The following SLC4A5 variants were observed in gnomAD, a reference collection of about 807,000 sequenced individuals.
The protein encoded by SLC4A5 is solute carrier family 4 member 5, also known as electrogenic sodium bicarbonate cotransporter 4.
SLC4A5 carries 96 observed loss-of-function variants against 120.4 expected under a neutral mutation model. The ratio of observed to expected loss-of-function variants is 0.80; its 90% confidence interval spans 0.68 to 0.94. The LOEUF (loss-of-function observed/expected upper bound fraction) is 0.94. Among genes scored for constraint, SLC4A5 ranks in the 40% least tolerant of loss-of-function variants. The probability of loss-of-function intolerance (pLI) is 0.00; values close to 1 mark genes in which losing one functional copy is unlikely to be tolerated. For missense variants in SLC4A5, 1,259 were observed against 1,459.5 expected (o/e 0.86, Z 2.24); for synonymous variants, 550 against 571.1 (o/e 0.96, Z 0.53).
Position 74,283,130 on chromosome 2 carries a change from G to A in SLC4A5, c.401+2643C>T, listed in dbSNP as rs578201668. Among the ~76,000 whole-genome samples the A allele has an allele frequency of 1.1e-4, 17 of 152,324 alleles. No homozygotes were observed. The East Asian group carries it at 2.7e-3, about 24-fold the overall frequency. ...GTCAAAACAGTCACTGGAAGTTAGA[G>A]ACAGAAAGAGAAAGGGCTGAGAAAA... On this transcript the variant is annotated intron_variant, in intron 8 of 30. Coordinates refer to ENST00000394019, the Ensembl canonical transcript of SLC4A5.
chr2:74,243,263 G>T (rs1670504618), intron 19 of SLC4A5, among the ~76,000 whole-genome samples: 1 of 152,156 alleles, frequency 6.6e-6, no homozygotes, highest in South Asian at 2.1e-4. Flanking sequence ...TCTGCAGTCT[G>T]TCCTTCCTTT....
chr2:74,289,607 G>T (rs1672095406), intron 7 of SLC4A5, among the ~76,000 whole-genome samples: 1 of 152,176 alleles, frequency 6.6e-6, no homozygotes, highest in Admixed American at 6.5e-5. Flanking sequence ...ATGAGCCACT[G>T]GACCCAGCCT....
intron 6 of SLC4A5, among the ~76,000 whole-genome samples, chr2:74,311,414 C>G (rs1276102351): frequency 6.6e-6 from 1 of 151,956 alleles, no homozygotes; most frequent in Non-Finnish European, 1.5e-5. Context: ...GATCTTTCTT[C>G]TTTTCTAATA....
At chr2:74,308,134 G>A (rs1293378515) in intron 6 of SLC4A5, 1 of 337,240 alleles carries the variant, frequency 3.0e-6, no homozygotes, top group African/African-American at 2.2e-5. Context: ...TCCTATTGAA[G>A]GACATCTTGG....
chr2:74,245,871 G>A (rs756152165), intron 19 of SLC4A5, among the ~76,000 whole-genome samples: 24 of 152,134 alleles, frequency 1.6e-4, no homozygotes, highest in Admixed American at 3.9e-4. Flanking sequence ...CAACTCAATC[G>A]GGGTATAGAT....
intron 26 of SLC4A5, 87 bp from the exon 27 acceptor site, chr2:74,227,217 G>T (rs1386979964): frequency 2.1e-5 from 30 of 1,438,194 alleles, no homozygotes; most frequent in African/African-American, 4.3e-5. Context: ...GCCTGGGTGG[G>T]GTCTCAGAGA....
chr2:74,296,453 T>C (rs1672328821), intron 7 of SLC4A5, among the ~76,000 whole-genome samples: 2 of 151,474 alleles, frequency 1.3e-5, no homozygotes, highest in Non-Finnish European at 1.5e-5. Flanking sequence ...ATTTTAAAGT[T>C]TCAAACCCTA....
intron 28 of SLC4A5, among the ~76,000 whole-genome samples, 200 bp from the exon 29 acceptor site, chr2:74,223,152 G>A (rs545559914): frequency 6.6e-6 from 1 of 152,052 alleles, no homozygotes; most frequent in South Asian, 2.1e-4. Flanking sequence ...TTACAGGCGT[G>A]CACCCCCATA....
chr2:74,220,262 C>T (rs1454611114), intron 30 of SLC4A5, among the ~76,000 whole-genome samples: 2 of 152,136 alleles, frequency 1.3e-5, no homozygotes, highest in Non-Finnish European at 2.9e-5. Flanking sequence ...GAAGAACAAT[C>T]ACATTGTTGG....
intron 8 of SLC4A5, among the ~76,000 whole-genome samples, chr2:74,274,336 G>A (rs567454814): frequency 6.6e-6 from 1 of 152,246 alleles, no homozygotes; most frequent in East Asian, 1.9e-4. Context: ...GCAAATTCTG[G>A]CCCATTCTTA....
In SLC4A5 at chr2:74,309,655, A is replaced by AT. The variant is rs1558907873; in HGVS notation, c.80-4976_80-4975insA. ...TGAATTTTCCTACGCATGAACATGA[A>AT]ATTTTTTTTTTTTTTTTTGAGACAG... On this transcript the variant is annotated intron_variant, in intron 6 of 30. Coordinates refer to ENST00000394019, the Ensembl canonical transcript of SLC4A5. Among the ~76,000 whole-genome samples, 205 of 151,154 alleles carry AT rather than the reference A, an allele frequency of 1.4e-3. 3 individuals carry two copies. The highest frequency in any genetic ancestry group is 4.7e-3 in the African/African-American group (194 of 41,060).
intron 20 of SLC4A5, among the ~76,000 whole-genome samples, chr2:74,241,320 C>T (rs1007508934): frequency 4.6e-5 from 7 of 150,816 alleles, no homozygotes; most frequent in African/African-American, 1.5e-4. Flanking sequence ...GGCTGGAGTG[C>T]AGTGGTGCGA....
At position 74,315,042 on chromosome 2, in the gene SLC4A5, A is replaced by G; in HGVS notation, c.-2-17T>C. The G allele has an allele frequency of 6.3e-7, 1 of 1,599,420 alleles. No homozygotes were observed. Among genetic ancestry groups the G allele is most frequent in the Non-Finnish European group, 8.6e-7 (1 of 1,166,598 alleles). On this transcript the variant is annotated splice_polypyrimidine_tract_variant and intron_variant, in intron 5 of 30. Transcript: ENST00000394019. Reference sequence around the variant, plus strand: ...CCTTCATGACTATAAAGTAAAAGGAACACAGCCTCAAAATGTATACATTAA... The same window carrying G: ...CCTTCATGACTATAAAGTAAAAGGAGCACAGCCTCAAAATGTATACATTAA...
At chr2:74,269,130 G>A (rs1671392400) in intron 8 of SLC4A5, among the ~76,000 whole-genome samples, 1 of 152,212 alleles carries the variant, frequency 6.6e-6, no homozygotes, top group Non-Finnish European at 1.5e-5. Flanking sequence ...CCAAGACTAT[G>A]TGATATCGAA....
At chr2:74,286,505 T>C (rs1390461657) in intron 7 of SLC4A5, among the ~76,000 whole-genome samples, 1 of 152,200 alleles carries the variant, frequency 6.6e-6, no homozygotes, top group Non-Finnish European at 1.5e-5. Flanking sequence ...ACCTGTGTTC[T>C]TTCTCTCTTT....
intron 30 of SLC4A5, among the ~76,000 whole-genome samples, chr2:74,220,157 T>C (rs528032665): frequency 6.6e-6 from 1 of 152,352 alleles, no homozygotes; most frequent in Admixed American, 6.5e-5. Flanking sequence ...AACAATGAAG[T>C]AAAGCCTTTC....
intron 8 of SLC4A5, among the ~76,000 whole-genome samples, chr2:74,271,539 T>A (rs1232951363): frequency 6.6e-6 from 1 of 152,122 alleles, no homozygotes; most frequent in Non-Finnish European, 1.5e-5. Context: ...GTGCCTAAAT[T>A]AATAATTAAT....
rs145697496 is a variant in SLC4A5, at chr2:74,251,311, T to G, written c.1479-794A>C. ...AGCTGCTTACAGTGAGAACCACTGG[T>G]ATAAAGCCAAGGGCATATAAAACAT... On this transcript the variant is annotated intron_variant, in intron 16 of 30. Transcript: ENST00000394019. Among the ~76,000 whole-genome samples, 40 of 152,102 alleles carry G rather than the reference T, an allele frequency of 2.6e-4. No individual in the cohort carries two copies. In the East Asian group the frequency reaches 7.5e-3, roughly 29 times the overall value.
At chr2:74,285,894 C>G in exon 8 of SLC4A5, 1 of 1,599,630 alleles carries the variant, frequency 6.3e-7, no homozygotes, top group Non-Finnish European at 8.5e-7. Flanking sequence ...TGCTCAGCAG[C>G]TGGGGACCCT....
Sources: gnomAD v4.1 joint callset for allele counts (sites outside exome capture counted in the v4.1 genomes callset) on GRCh38, gnomAD v4.1.1 for gene constraint, MANE v1.5 for transcripts, NCBI Gene and HGNC (gene_info 2026-07-23, HGNC 2026-07-21) for gene names.